The following ZDHHC14 variants were observed in gnomAD, a reference collection of about 807,000 sequenced individuals.
The protein encoded by ZDHHC14 is palmitoyltransferase ZDHHC14.
Under a neutral mutation model 47.7 loss-of-function variants are expected in ZDHHC14, and 16 were observed. The observed-to-expected ratio is 0.34, with a 90% confidence interval of 0.23 to 0.51. The LOEUF (loss-of-function observed/expected upper bound fraction) is 0.51. Among genes scored for constraint, ZDHHC14 ranks in the 20% least tolerant of loss-of-function variants. ZDHHC14 has a pLI of 0.97. For missense variants in ZDHHC14, 515 were observed against 662.5 expected, an observed-to-expected ratio of 0.78 and a Z score of 2.44; for synonymous variants, 293 against 278.9, an observed-to-expected ratio of 1.05 and a Z score of -0.50.
rs921342387 is a variant in ZDHHC14 at position 157,463,366 on chromosome 6, C to T, written c.246-79219C>T. ...AAGATTTATGCAAAATAATCACATT[C>T]TCTTTTCCTGCCTATTCTAATGAGC... On this transcript the variant is annotated intron_variant, in intron 1 of 8. Coordinates refer to ENST00000359775, the MANE Select transcript of ZDHHC14 (RefSeq NM_024630.3). This position sits in a 1 kb window ranked among gnomAD's most constrained non-coding sequence, Gnocchi z 4.4. Among the ~76,000 whole-genome samples, 2 of 152,164 alleles carry T rather than the reference C, an allele frequency of 1.3e-5. No individual in the cohort carries two copies. Among genetic ancestry groups the T allele is most frequent in the East Asian group, 3.8e-4 (2 of 5,206 alleles).
intron 2 of ZDHHC14, 91 bp downstream of exon 2, chr6:157,542,836 A>C: frequency 6.8e-7 from 1 of 1,460,070 alleles, no homozygotes. Context: ...GTGCAGGAGG[A>C]GCTGAGCGCT....
intron 3 of ZDHHC14, among the ~76,000 whole-genome samples, chr6:157,601,125 G>A (rs1341939508): frequency 1.3e-5 from 2 of 152,196 alleles, no homozygotes; most frequent in Non-Finnish European, 2.9e-5. Context: ...ATGAGTTCAT[G>A]TTGTTTGAAA....
intron 1 of ZDHHC14, among the ~76,000 whole-genome samples, chr6:157,418,727 T>C (rs1051260039): frequency 2.0e-5 from 3 of 152,172 alleles, no homozygotes; most frequent in Non-Finnish European, 4.4e-5. Context: ...TCTCAGCAAA[T>C]ACCCAGTTCA....
chr6:157,450,080 T>C (rs1004737259), intron 1 of ZDHHC14, among the ~76,000 whole-genome samples: 2 of 152,014 alleles, frequency 1.3e-5, no homozygotes, highest in African/African-American at 4.8e-5. Context: ...AATATGGTGA[T>C]TATTTAGGCA....
At chr6:157,653,434 A>C (rs536435927) in intron 7 of ZDHHC14, 91 bp from the exon 8 acceptor site, 1 of 1,368,086 alleles carries the variant, frequency 7.3e-7, no homozygotes, top group African/African-American at 1.4e-5. Flanking sequence ...TCACGGGAAG[A>C]GGGAGCCCCG....
intron 1 of ZDHHC14, among the ~76,000 whole-genome samples, chr6:157,492,572 G>A (rs1298531801): frequency 6.6e-6 from 1 of 152,230 alleles, no homozygotes; most frequent in South Asian, 2.1e-4. Context: ...AAGAGGAGGC[G>A]CTGTTTCTTG....
At chr6:157,628,259 T>A in intron 3 of ZDHHC14, 90 bp from the exon 4 acceptor site, 1 of 1,293,902 alleles carries the variant, frequency 7.7e-7, no homozygotes. Context: ...ACTATCAGAG[T>A]ATTGGGTGGG....
At chr6:157,639,678 T>C (rs1777154183) in intron 5 of ZDHHC14, among the ~76,000 whole-genome samples, 1 of 151,902 alleles carries the variant, frequency 6.6e-6, no homozygotes, top group Non-Finnish European at 1.5e-5. Flanking sequence ...ACGGGGGAAA[T>C]CGGTGGCAGA....
chr6:157,637,657 A>T (rs1326926223), intron 5 of ZDHHC14, among the ~76,000 whole-genome samples: 1 of 152,220 alleles, frequency 6.6e-6, no homozygotes, highest in East Asian at 1.9e-4. Flanking sequence ...ACTGGAGTCT[A>T]GAGGAACCTC....
rs1780212100 is a variant in ZDHHC14 at position 157,502,331 on chromosome 6, G to T, written c.246-40254G>T. On this transcript the variant is annotated intron_variant, in intron 1 of 8. Transcript: ENST00000359775. This position sits in a 1 kb window ranked among gnomAD's most constrained non-coding sequence, Gnocchi z 4.0. The stretch of plus-strand genomic sequence containing the variant: ...CCGTGACTGTATGTGAGCCAAAAGT[G>T]TCCCCATACATGTTGAGAGAGAGTG... 6.6e-6 allele frequency among the ~76,000 whole-genome samples: 1 copy of T among 152,220 alleles called. No individual in the cohort carries two copies. The highest frequency in any genetic ancestry group is 2.4e-5 in the African/African-American group (1 of 41,458).
intron 2 of ZDHHC14, among the ~76,000 whole-genome samples, chr6:157,590,480 C>T (rs1783866261): frequency 6.6e-6 from 1 of 152,196 alleles, no homozygotes; most frequent in Non-Finnish European, 1.5e-5. Context: ...AGGGTGCAAG[C>T]CCCAAGCCTT....
chr6:157,603,477 G>T (rs997887799), intron 3 of ZDHHC14, among the ~76,000 whole-genome samples: 1 of 152,146 alleles, frequency 6.6e-6, no homozygotes, highest in Non-Finnish European at 1.5e-5. Flanking sequence ...ACTTGACTCA[G>T]CTGCTGGAGC....
intron 1 of ZDHHC14, among the ~76,000 whole-genome samples, chr6:157,465,269 G>C (rs1038810986): frequency 6.6e-6 from 1 of 151,930 alleles, no homozygotes; most frequent in Admixed American, 6.6e-5. Context: ...TACTTAACTT[G>C]TCATAAACCA....
At chr6:157,524,721 A>T (rs547302660) in intron 1 of ZDHHC14, among the ~76,000 whole-genome samples, 4 of 152,348 alleles carry the variant, frequency 2.6e-5, no homozygotes, top group African/African-American at 9.6e-5. Context: ...CATCTAGAAG[A>T]ATACCTGTGT....
chr6:157,425,688 G>A (rs1180634906), intron 1 of ZDHHC14, among the ~76,000 whole-genome samples: 1 of 152,082 alleles, frequency 6.6e-6, no homozygotes, highest in Non-Finnish European at 1.5e-5. Context: ...CTGCTTCCTG[G>A]TGTTCTGAAG....
intron 1 of ZDHHC14, among the ~76,000 whole-genome samples, chr6:157,401,612 G>C (rs1562411054): frequency 6.6e-6 from 1 of 150,634 alleles, no homozygotes; most frequent in Non-Finnish European, 1.5e-5. Context: ...CTGCAGTAGT[G>C]AGATGTGCTC....
chr6:157,385,304 A>G (rs934272794), intron 1 of ZDHHC14, among the ~76,000 whole-genome samples: 2 of 151,688 alleles, frequency 1.3e-5, no homozygotes, highest in African/African-American at 4.9e-5. Flanking sequence ...GTTGCTCACT[A>G]TGATCCTGGG....
intron 1 of ZDHHC14, among the ~76,000 whole-genome samples, chr6:157,422,691 C>A (rs189538231): frequency 3.9e-5 from 6 of 152,154 alleles, no homozygotes; most frequent in African/African-American, 1.4e-4. Context: ...ATGATCAGGA[C>A]GGGCACGGTA....
At chr6:157,394,087 C>T (rs1777474722) in intron 1 of ZDHHC14, among the ~76,000 whole-genome samples, 1 of 152,150 alleles carries the variant, frequency 6.6e-6, no homozygotes, top group African/African-American at 2.4e-5. Context: ...TCTCAGGGCC[C>T]CACCACTCTC....
Sources: gnomAD v4.1 joint callset for allele counts (sites outside exome capture counted in the v4.1 genomes callset) on GRCh38, gnomAD v4.1.1 for gene constraint, Gnocchi (gnomAD v3.1) non-coding constraint, MANE v1.5 for transcripts, NCBI Gene and HGNC (gene_info 2026-07-23, HGNC 2026-07-21) for gene names.